Variants in RAPGEF1 observed in about 807,000 individuals in gnomAD.
The protein encoded by RAPGEF1 is Rap guanine nucleotide exchange factor 1, also known as CRK SH3-binding GNRP.
Under a neutral mutation model 143.3 loss-of-function variants are expected in RAPGEF1, and 33 were observed. The ratio of observed to expected loss-of-function variants is 0.23; its 90% CI spans 0.17 to 0.31. RAPGEF1 has a LOEUF of 0.31. Among genes scored for constraint, RAPGEF1 ranks in the 10% least tolerant of loss-of-function variants. The probability of loss-of-function intolerance (pLI) is 1.00; values close to 1 mark genes in which losing one functional copy is unlikely to be tolerated. For missense variants in RAPGEF1, 1,199 were observed against 1,645.4 expected (o/e 0.73, Z 4.69); for synonymous variants, 629 against 676.5 (o/e 0.93, Z 1.09).
chr9:131,619,816 G>C (rs1284942967), intron 11 of RAPGEF1, among the ~76,000 whole-genome samples: 2 of 152,210 alleles, frequency 1.3e-5, no homozygotes, highest in Non-Finnish European at 2.9e-5. Flanking sequence ...TTTTGTCTGT[G>C]AAGTGTGGAT....
chr9:131,642,805 T>TGGAGGC (rs1311178832), intron 4 of RAPGEF1, among the ~76,000 whole-genome samples: 2 of 152,228 alleles, frequency 1.3e-5, no homozygotes, highest in Non-Finnish European at 2.9e-5. Context: ...CTCATGCAGA[T>TGGAGGC]GGAGGCCCTG....
At chr9:131,711,719 T>C (rs1835523983) in intron 1 of RAPGEF1, among the ~76,000 whole-genome samples, 1 of 152,214 alleles carries the variant, frequency 6.6e-6, no homozygotes, top group Non-Finnish European at 1.5e-5. Context: ...ATATCTGGCT[T>C]CGGTCAATTT....
intron 1 of RAPGEF1, among the ~76,000 whole-genome samples, chr9:131,731,947 C>T (rs1009870111): frequency 6.6e-6 from 1 of 152,124 alleles, no homozygotes; most frequent in Non-Finnish European, 1.5e-5. Flanking sequence ...AGAATTGTCA[C>T]CTGTCTTTCA....
chr9:131,620,926 TG>T (rs1301275800), intron 11 of RAPGEF1, among the ~76,000 whole-genome samples: 2 of 152,252 alleles, frequency 1.3e-5, no homozygotes, highest in African/African-American at 4.8e-5. Flanking sequence ...GCCACCAGAC[TG>T]GCCAGCACAC....
intron 1 of RAPGEF1, among the ~76,000 whole-genome samples, chr9:131,674,065 C>T (rs575633989): frequency 4.6e-5 from 7 of 152,274 alleles, no homozygotes; most frequent in South Asian, 2.1e-4. Context: ...GAACATTGTT[C>T]GAAGCCACCT....
chr9:131,729,503 A>T (rs886355823), intron 1 of RAPGEF1, among the ~76,000 whole-genome samples: 3 of 152,256 alleles, frequency 2.0e-5, no homozygotes, highest in African/African-American at 7.2e-5. Flanking sequence ...GGGCTTCTTC[A>T]TAAATCTGTA....
intron 25 of RAPGEF1, 22 bp downstream of exon 25, chr9:131,582,583 G>A (rs748739073): frequency 8.1e-6 from 12 of 1,478,230 alleles, no homozygotes; most frequent in Admixed American, 2.7e-5. Context: ...GGGGCTGGGG[G>A]CCTGGAGGGG....
At chr9:131,731,090 T>C (rs1034036015) in intron 1 of RAPGEF1, among the ~76,000 whole-genome samples, 12 of 152,232 alleles carry the variant, frequency 7.9e-5, no homozygotes, top group African/African-American at 2.9e-4. Flanking sequence ...CCCAACTCAG[T>C]ATATGACTAT....
chr9:131,625,907 G>A lies in RAPGEF1; in HGVS notation c.1702+15C>T, dbSNP rs2132964219. The A allele has an allele frequency of 6.5e-7, 1 of 1,537,104 alleles. No individual in the cohort carries two copies. On this transcript the variant is annotated intron_variant, in intron 10 of 26. Coordinates refer to ENST00000683357, the MANE Select transcript of RAPGEF1 (RefSeq NM_001377935.1). ...ATAAAATGCACTTCCTGACAACAGT[G>A]CAACAAAGGCTTACTGTGTTTGTTT...
In RAPGEF1 at chr9:131,667,178, T is replaced by C. The variant is rs1195491741; in HGVS notation, c.62-16229A>G. ...CTAAGTTTTGTATTTTTAGTAGAGA[T>C]GGGGTTTCACCATGTTGGTCAGGCT... On this transcript the variant is annotated intron_variant, in intron 1 of 26. Coordinates refer to ENST00000683357, the MANE Select transcript of RAPGEF1 (RefSeq NM_001377935.1). This position sits in a 1 kb window ranked among gnomAD's most constrained non-coding sequence, Gnocchi z 4.6. 6.6e-6 allele frequency among the ~76,000 whole-genome samples: 1 copy of C among 151,880 alleles called. No individual in the cohort carries two copies. The highest frequency in any genetic ancestry group is 2.4e-5 in the African/African-American group (1 of 41,308).
intron 1 of RAPGEF1, among the ~76,000 whole-genome samples, chr9:131,668,781 A>G (rs1830855629): frequency 6.6e-6 from 1 of 152,252 alleles, no homozygotes; most frequent in African/African-American, 2.4e-5. Flanking sequence ...AATGAAAAAA[A>G]GAGTGATGGT....
chr9:131,679,161 T>C (rs1832699979), intron 1 of RAPGEF1, among the ~76,000 whole-genome samples: 1 of 139,416 alleles, frequency 7.2e-6, no homozygotes, highest in Non-Finnish European at 1.6e-5. Context: ...ACTCATTATG[T>C]GACAAGGGGG....
intron 1 of RAPGEF1, among the ~76,000 whole-genome samples, chr9:131,717,449 G>A (rs1835938522): frequency 6.6e-6 from 1 of 152,284 alleles, no homozygotes; most frequent in African/African-American, 2.4e-5. Context: ...CCGACAGGGA[G>A]CTTACCTCCC....
intron 1 of RAPGEF1, among the ~76,000 whole-genome samples, chr9:131,716,383 C>T (rs1835865369): frequency 6.6e-6 from 1 of 152,178 alleles, no homozygotes; most frequent in South Asian, 2.1e-4. Flanking sequence ...AGGACTTGGC[C>T]AGGAACTAAA....
intron 1 of RAPGEF1, among the ~76,000 whole-genome samples, chr9:131,730,716 AAAG>A (rs1211980638): frequency 1.6e-5 from 2 of 121,830 alleles, no homozygotes; most frequent in African/African-American, 3.0e-5. Flanking sequence ...AAAAAAAAAA[AAAG>A]AAGAAGAACC....
At chr9:131,589,776 TAGAGCAGGCA>T in intron 19 of RAPGEF1, 100 bp downstream of exon 19, 1 of 1,009,272 alleles carries the variant, frequency 9.9e-7, no homozygotes. Context: ...AGGACCAAGA[TAGAGCAGGCA>T]AGAGCCAGCT....
intron 1 of RAPGEF1, among the ~76,000 whole-genome samples, chr9:131,663,425 C>A (rs1178523516): frequency 1.3e-5 from 2 of 150,882 alleles, no homozygotes; most frequent in African/African-American, 2.4e-5. Flanking sequence ...GCTCCATAAG[C>A]AAATTTCTCT....
rs772044608 is a variant in RAPGEF1 at position 131,584,506 on chromosome 9, G to A, written c.3312+12C>T. On this transcript the variant is annotated intron_variant, in intron 23 of 26. Transcript: ENST00000683357. The surrounding 1 kb of genome is among the most constrained non-coding windows in gnomAD (Gnocchi z 6.8). ...GATGATGGGGGCCTGGGAAGGACTT[G>A]GCCACCATTACCTTCATGATCTTGA... 6 of 1,613,942 alleles carry A rather than the reference G, an allele frequency of 3.7e-6. No individual in the cohort carries two copies. The highest frequency in any genetic ancestry group is 5.1e-6 in the Non-Finnish European group (6 of 1,179,812).
intron 4 of RAPGEF1, among the ~76,000 whole-genome samples, chr9:131,642,136 C>CT (rs1968193326): frequency 6.6e-6 from 1 of 152,170 alleles, no homozygotes; most frequent in Non-Finnish European, 1.5e-5. Flanking sequence ...TTTGGTAGTG[C>CT]TTTTCTTTTT....
Sources: allele counts gnomAD v4.1 joint callset (sites outside exome capture counted in the v4.1 genomes callset), GRCh38; gene constraint gnomAD v4.1.1; non-coding constraint Gnocchi (gnomAD v3.1); transcripts MANE v1.5; gene names NCBI Gene and HGNC (gene_info 2026-07-23, HGNC 2026-07-21).